The following PTPRM variants were observed in gnomAD, a reference collection of about 807,000 sequenced individuals.
The protein encoded by PTPRM is protein tyrosine phosphatase receptor type M, also known as receptor-type tyrosine-protein phosphatase mu.
PTPRM carries 47 observed loss-of-function variants against 186.7 expected under a neutral mutation model. The ratio of observed to expected loss-of-function variants is 0.25; its 90% confidence interval spans 0.20 to 0.32. The LOEUF is 0.32. Ranked by LOEUF, PTPRM falls within the 10% of genes least tolerant of loss-of-function variation. The probability of loss-of-function intolerance (pLI) is 1.00; values close to 1 mark genes in which losing one functional copy is unlikely to be tolerated. For missense variants in PTPRM, 1,494 were observed against 1,865.0 expected (o/e 0.80, Z 3.66); for synonymous variants, 668 against 674.9 (o/e 0.99, Z 0.16).
chr18:8,176,181 A>G (rs903062769), intron 14 of PTPRM, among the ~76,000 whole-genome samples: 1 of 151,296 alleles, frequency 6.6e-6, no homozygotes, highest in Non-Finnish European at 1.5e-5. Flanking sequence ...CGATTAATGA[A>G]TTGCTTGTTG....
At chr18:8,049,691 G>A (rs1466593379) in intron 7 of PTPRM, among the ~76,000 whole-genome samples, 1 of 147,320 alleles carries the variant, frequency 6.8e-6, no homozygotes, top group Non-Finnish European at 1.5e-5. Flanking sequence ...GACCATGTGA[G>A]TCCATGAAAG....
intron 1 of PTPRM, among the ~76,000 whole-genome samples, chr18:7,704,229 A>G (rs1428395680): frequency 6.6e-6 from 1 of 152,188 alleles, no homozygotes; most frequent in African/African-American, 2.4e-5. Flanking sequence ...TTTATTTGGA[A>G]TAGTTCCAGA....
chr18:8,120,037 G>C (rs920038007), intron 13 of PTPRM, among the ~76,000 whole-genome samples: 1 of 151,898 alleles, frequency 6.6e-6, no homozygotes, highest in South Asian at 2.1e-4. Flanking sequence ...TATGTTAAGG[G>C]CCAGATAATA....
At chr18:7,692,570 C>T (rs2144654316) in intron 1 of PTPRM, among the ~76,000 whole-genome samples, 1 of 152,292 alleles carries the variant, frequency 6.6e-6, no homozygotes, top group African/African-American at 2.4e-5. Context: ...GGGCCACCAA[C>T]ATTTTTATTT....
intron 5 of PTPRM, among the ~76,000 whole-genome samples, chr18:7,948,130 TACACACACACACACACACACACACACAC>T (rs57918724): frequency 7.3e-6 from 1 of 137,816 alleles, no homozygotes; most frequent in East Asian, 2.2e-4. Context: ...GATTATAAAA[TACACACACACACACACACACACACACAC>T]ACACACACAC....
At chr18:8,270,815 G>A (rs1257952004) in intron 19 of PTPRM, among the ~76,000 whole-genome samples, 3 of 152,130 alleles carry the variant, frequency 2.0e-5, no homozygotes, top group Non-Finnish European at 4.4e-5. Flanking sequence ...TAGAAACAGA[G>A]TAGAACGATG....
intron 14 of PTPRM, among the ~76,000 whole-genome samples, chr18:8,195,462 C>T (rs2093764715): frequency 6.6e-6 from 1 of 152,156 alleles, no homozygotes; most frequent in Non-Finnish European, 1.5e-5. Context: ...AAGCGCTATT[C>T]ACAATAGCAA....
intron 1 of PTPRM, among the ~76,000 whole-genome samples, chr18:7,673,176 A>T (rs1223420511): frequency 1.3e-5 from 2 of 152,224 alleles, no homozygotes; most frequent in Non-Finnish European, 2.9e-5. Context: ...ATGAACTGAC[A>T]GGTTGTCTCC....
In PTPRM at chr18:8,140,675, C is replaced by T. The variant is rs776286390; in HGVS notation, c.2168-2972C>T. On this transcript the variant is annotated intron_variant, in intron 13 of 32. Transcript: ENST00000580170. ...AGCTTATTCACCAGTGCAATGAATA[C>T]GATACAGTAGCAGGCCTAGATAATA... Among the ~76,000 whole-genome samples, 12 of 152,094 alleles carry T rather than the reference C, an allele frequency of 7.9e-5. No homozygotes were observed. The East Asian group carries it at 1.2e-3, about 15-fold the overall frequency.
chr18:8,223,286 A>C (rs925507486), intron 14 of PTPRM, among the ~76,000 whole-genome samples: 1 of 152,172 alleles, frequency 6.6e-6, no homozygotes, highest in African/African-American at 2.4e-5. Context: ...ACTGAAATGC[A>C]TAGCCATGTG....
chr18:8,298,501 C>A (rs2095120350), intron 20 of PTPRM, among the ~76,000 whole-genome samples: 1 of 152,190 alleles, frequency 6.6e-6, no homozygotes. Context: ...AACATTGAGT[C>A]TGCTTCTTCC....
At chr18:8,374,399 G>A (rs112998809) in intron 24 of PTPRM, among the ~76,000 whole-genome samples, 2,114 of 152,092 alleles carry the variant, frequency 0.014, 59 homozygotes, top group African/African-American at 0.048. Context: ...AGTATTTACC[G>A]TCAATAAGCT....
chr18:8,288,918 T>G (rs1310719217), intron 19 of PTPRM, among the ~76,000 whole-genome samples: 1 of 152,214 alleles, frequency 6.6e-6, no homozygotes, highest in East Asian at 1.9e-4. Context: ...GTGATAGGAC[T>G]GTGCCACTGA....
At chr18:8,343,593 C>A (rs2095487255) in intron 23 of PTPRM, 73 bp downstream of exon 23, 2 of 1,389,256 alleles carry the variant, frequency 1.4e-6, no homozygotes, top group Non-Finnish European at 2.0e-6. Flanking sequence ...AGGCATGAGG[C>A]AAGCTTTTGA....
chr18:8,129,843 G>A (rs1448264252), intron 13 of PTPRM, among the ~76,000 whole-genome samples: 1 of 151,856 alleles, frequency 6.6e-6, no homozygotes, highest in African/African-American at 2.4e-5. Context: ...TTTGAAGAAA[G>A]GATTCTTGTT....
chr18:7,567,994 G>T lies in PTPRM; in HGVS notation c.73+103G>T. 8.8e-7 allele frequency: 1 copy of T among 1,139,734 alleles called. No homozygotes were observed. The highest frequency in any genetic ancestry group is 1.1e-6 in the Non-Finnish European group (1 of 878,244). 70.6% of individuals were successfully genotyped at this position (1,139,734 alleles called of 1,614,324 possible). On this transcript the variant is annotated intron_variant, in intron 1 of 32. Coordinates refer to ENST00000580170, the MANE Select transcript of PTPRM (RefSeq NM_001105244.2). This position sits in a 1 kb window ranked among gnomAD's most constrained non-coding sequence, Gnocchi z 4.3. ...GGTAGAGCCCTAAGGCTGGCGTCGG[G>T]GCCGGGCGGGGGGCGCGGCGGGCCG...
intron 1 of PTPRM, among the ~76,000 whole-genome samples, chr18:7,581,703 T>G (rs1462686102): frequency 6.6e-6 from 1 of 151,276 alleles, no homozygotes; most frequent in East Asian, 2.0e-4. Context: ...TCACCCCAGC[T>G]GGAGTGCAGT....
At chr18:7,635,872 T>G (rs955128700) in intron 1 of PTPRM, among the ~76,000 whole-genome samples, 1 of 152,194 alleles carries the variant, frequency 6.6e-6, no homozygotes, top group African/African-American at 2.4e-5. Context: ...CAGAGACCTC[T>G]AAGGTACAGT....
chr18:8,077,816 C>G (rs552922398), intron 9 of PTPRM, among the ~76,000 whole-genome samples: 3 of 152,178 alleles, frequency 2.0e-5, no homozygotes, highest in African/African-American at 7.2e-5. Context: ...ATGTTGCTAT[C>G]TAGACAGACA....
Sources: gnomAD v4.1 joint callset for allele counts (sites outside exome capture counted in the v4.1 genomes callset) on GRCh38, gnomAD v4.1.1 for gene constraint, Gnocchi (gnomAD v3.1) non-coding constraint, MANE v1.5 for transcripts, NCBI Gene and HGNC (gene_info 2026-07-23, HGNC 2026-07-21) for gene names.